Variants in SNTG1 observed in about 807,000 individuals in gnomAD.
SNTG1 encodes syntrophin gamma 1, also known as gamma-1-syntrophin.
SNTG1 carries 39 observed loss-of-function variants against 74.7 expected under a neutral mutation model. The observed-to-expected ratio is 0.52, with a 90% CI of 0.40 to 0.68. SNTG1 has a LOEUF of 0.68. SNTG1 is among the 30% of genes least tolerant of loss of function. The pLI is 0.00. For synonymous variants in SNTG1, 254 were observed against 217.1 expected (o/e 1.17, Z -1.49); for missense variants, 685 against 609.5 (o/e 1.12, Z -1.30).
At chr8:50,291,913 T>G (rs2089133085) in intron 2 of SNTG1, among the ~76,000 whole-genome samples, 1 of 152,102 alleles carries the variant, frequency 6.6e-6, no homozygotes, top group African/African-American at 2.4e-5. Context: ...TGCTCTCCGT[T>G]GTTTTGGAGT....
At chr8:50,346,310 G>C (rs2091474821) in intron 2 of SNTG1, among the ~76,000 whole-genome samples, 1 of 152,126 alleles carries the variant, frequency 6.6e-6, no homozygotes, top group Non-Finnish European at 1.5e-5. Context: ...TGGGGATCTG[G>C]AATCCGTGAT....
rs555101386 is a variant in SNTG1 at position 50,529,388 on chromosome 8, TG to T, written c.467-788del. ...CTGTTTTTTAGCACATGGACTATTA[TG>T]TAAGTAGTGTTCCCTATGACCTATG... is the stretch of plus-strand genomic sequence containing the variant. On this transcript the variant is annotated intron_variant, in intron 9 of 18. Transcript: ENST00000642720. Among the ~76,000 whole-genome samples, 28 of 152,136 alleles carry T rather than the reference TG, an allele frequency of 1.8e-4. No homozygotes were observed. In the East Asian group the frequency reaches 5.4e-3, roughly 29 times the overall value.
intron 9 of SNTG1, among the ~76,000 whole-genome samples, chr8:50,521,100 T>C (rs117943559): frequency 0.028 from 4,335 of 152,180 alleles, 82 homozygotes; most frequent in Middle Eastern, 0.11. Context: ...CTATAAAAAA[T>C]GAGTTCATGT....
intron 1 of SNTG1, among the ~76,000 whole-genome samples, chr8:50,053,316 G>A (rs558617850): frequency 6.6e-6 from 1 of 152,102 alleles, no homozygotes; most frequent in East Asian, 1.9e-4. Flanking sequence ...AAAACATTAA[G>A]CTAAGTGAAA....
At chr8:50,498,257 C>T (rs1425290474) in intron 8 of SNTG1, among the ~76,000 whole-genome samples, 1 of 151,774 alleles carries the variant, frequency 6.6e-6, no homozygotes, top group Non-Finnish European at 1.5e-5. Flanking sequence ...TCCTCCAAAA[C>T]CTTACACACA....
At chr8:50,325,060 T>C (rs895153094) in intron 2 of SNTG1, among the ~76,000 whole-genome samples, 7 of 40,978 alleles carry the variant, frequency 1.7e-4, no homozygotes, top group African/African-American at 2.6e-4. Context: ...AACCCAGAAA[T>C]AGACCCACCA....
intron 1 of SNTG1, among the ~76,000 whole-genome samples, chr8:49,994,534 G>T (rs1329150779): frequency 6.6e-6 from 1 of 151,396 alleles, no homozygotes; most frequent in Non-Finnish European, 1.5e-5. Flanking sequence ...CAAAGTGTTG[G>T]GATTACAGGA....
chr8:50,151,155 C>T (rs758790426), intron 1 of SNTG1, among the ~76,000 whole-genome samples: 2 of 152,030 alleles, frequency 1.3e-5, no homozygotes, highest in Non-Finnish European at 2.9e-5. Flanking sequence ...TGTATGTGTC[C>T]AGGAATTTAT....
intron 2 of SNTG1, among the ~76,000 whole-genome samples, chr8:50,376,011 C>T (rs982034891): frequency 1.4e-5 from 2 of 147,746 alleles, no homozygotes; most frequent in African/African-American, 5.1e-5. Context: ...AAGGTGTTAT[C>T]TCCAGGCTGA....
chr8:50,641,228 C>A (rs1230627617), intron 13 of SNTG1, among the ~76,000 whole-genome samples: 3 of 152,194 alleles, frequency 2.0e-5, no homozygotes, highest in Non-Finnish European at 4.4e-5. Flanking sequence ...CTATTCTCTC[C>A]ATTTCTTTTA....
chr8:50,679,739 C>G (rs2095323726), intron 15 of SNTG1, among the ~76,000 whole-genome samples: 1 of 152,132 alleles, frequency 6.6e-6, no homozygotes. Context: ...AGGGAACTGT[C>G]TTCTGAGCAA....
At chr8:50,137,247 G>C (rs1366579202) in intron 1 of SNTG1, among the ~76,000 whole-genome samples, 1 of 152,194 alleles carries the variant, frequency 6.6e-6, no homozygotes, top group Non-Finnish European at 1.5e-5. Flanking sequence ...AATTAGTATA[G>C]TGAGAAATTT....
intron 5 of SNTG1, among the ~76,000 whole-genome samples, chr8:50,442,148 A>G (rs1224597591): frequency 6.6e-6 from 1 of 152,206 alleles, no homozygotes; most frequent in African/African-American, 2.4e-5. Context: ...ATTTGCACTC[A>G]GCTCCTAAAG....
chr8:50,109,790 T>G (rs2080512065), intron 1 of SNTG1, among the ~76,000 whole-genome samples: 1 of 152,150 alleles, frequency 6.6e-6, no homozygotes, highest in East Asian at 1.9e-4. Flanking sequence ...AGAGACAGGA[T>G]ACTCTGAAAG....
intron 15 of SNTG1, among the ~76,000 whole-genome samples, chr8:50,688,984 A>T (rs531541238): frequency 3.0e-4 from 46 of 152,088 alleles, no homozygotes; most frequent in Non-Finnish European, 6.2e-4. Flanking sequence ...TCCCTTGTAA[A>T]TTGGATTCCT....
At chr8:50,191,236 T>C (rs2131782409) in intron 2 of SNTG1, among the ~76,000 whole-genome samples, 1 of 150,664 alleles carries the variant, frequency 6.6e-6, no homozygotes, top group Non-Finnish European at 1.5e-5. Flanking sequence ...CTATAAGCAT[T>C]ACATACAGCC....
In SNTG1 at chr8:50,792,907, A is replaced by C; in HGVS notation, c.*78A>C. 1 of 1,418,128 alleles carries C rather than the reference A, an allele frequency of 7.1e-7. No homozygotes were observed. The highest frequency in any genetic ancestry group is 9.3e-7 in the Non-Finnish European group (1 of 1,072,326). 87.8% of individuals were successfully genotyped at this position (1,418,128 alleles called of 1,614,324 possible). On this transcript the variant is annotated 3_prime_UTR_variant, in exon 19 of 19. Transcript: ENST00000642720. ...TACTCATCATTTTAGACCCTAGAGAAACCATAACATCACCAAGTCGACAGT... is the reference window on the plus strand; with the variant it reads ...TACTCATCATTTTAGACCCTAGAGACACCATAACATCACCAAGTCGACAGT...
chr8:50,224,992 A>G (rs930838258), intron 2 of SNTG1, among the ~76,000 whole-genome samples: 1 of 151,460 alleles, frequency 6.6e-6, no homozygotes, highest in East Asian at 1.9e-4. Context: ...TTTTTTTGAG[A>G]TGGAGTCTCA....
At position 50,384,789 on chromosome 8, in the gene SNTG1, T is replaced by C. The variant is rs114880215; in HGVS notation, c.-27-9423T>C. ...GGTAATGGAGCAAGAGTGGAAACCA[T>C]AGATAATTGAAGTTCTTTCTCTTGT... On this transcript the variant is annotated intron_variant, in intron 2 of 18. Coordinates refer to ENST00000642720, the MANE Select transcript of SNTG1 (RefSeq NM_018967.5). 9.3e-3 allele frequency among the ~76,000 whole-genome samples: 1,421 copies of C among 152,236 alleles called. 26 individuals carry two copies. Among genetic ancestry groups the C allele is most frequent in the African/African-American group, 0.032 (1,347 of 41,536 alleles).
Sources: gnomAD v4.1 joint callset for allele counts (sites outside exome capture counted in the v4.1 genomes callset) on GRCh38, gnomAD v4.1.1 for gene constraint, MANE v1.5 for transcripts, NCBI Gene and HGNC (gene_info 2026-07-23, HGNC 2026-07-21) for gene names.